The following CNTN5 variants were observed in gnomAD, a reference collection of about 807,000 sequenced individuals.
CNTN5 encodes the protein contactin 5.
A neutral mutation model predicts 129.1 loss-of-function variants in CNTN5; 77 were observed. That is an observed-to-expected ratio of 0.60 (90% CI 0.50 to 0.72). The LOEUF is 0.72. Among genes scored for constraint, CNTN5 ranks in the 30% least tolerant of loss-of-function variants. The probability of loss-of-function intolerance (pLI) is 0.00; values close to 1 mark genes in which losing one functional copy is unlikely to be tolerated. For synonymous variants in CNTN5, 509 were observed against 465.6 expected (o/e 1.09, Z -1.20); for missense variants, 1,478 against 1,328.8 (o/e 1.11, Z -1.75).
chr11:99,871,301 T>G (rs1948497961), intron 6 of CNTN5, among the ~76,000 whole-genome samples: 1 of 152,044 alleles, frequency 6.6e-6, no homozygotes, highest in Non-Finnish European at 1.5e-5. Context: ...AGCTCTACAA[T>G]TTTTTAATGA....
chr11:100,241,123 T>C lies in CNTN5; in HGVS notation c.2006-14637T>C, dbSNP rs1050890464. ...ATTTCATTAGCTCATCTGTTCTTAG[T>C]GTTTATGCAATAGTAGTTTAATAAA... is the stretch of plus-strand genomic sequence containing the variant. On this transcript the variant is annotated intron_variant, in intron 16 of 24. Coordinates refer to ENST00000524871, the MANE Select transcript of CNTN5 (RefSeq NM_014361.4). Among the ~76,000 whole-genome samples, 4 of 152,348 alleles carry C rather than the reference T, an allele frequency of 2.6e-5. No individual in the cohort carries two copies. In the South Asian group the frequency reaches 6.2e-4, roughly 24 times the overall value.
chr11:99,508,519 T>A (rs1315205924), intron 2 of CNTN5, among the ~76,000 whole-genome samples: 1 of 152,114 alleles, frequency 6.6e-6, no homozygotes, highest in Non-Finnish European at 1.5e-5. Flanking sequence ...GACTTGAGCA[T>A]CCACAGCTTT....
At chr11:100,318,931 C>CT (rs995707444) in intron 21 of CNTN5, among the ~76,000 whole-genome samples, 19 of 152,118 alleles carry the variant, frequency 1.2e-4, no homozygotes, top group Admixed American at 1.1e-3. Context: ...AAGGGCAAGG[C>CT]TTTTTTCTTT....
At chr11:99,259,038 TTATGA>T (rs200457233) in intron 1 of CNTN5, among the ~76,000 whole-genome samples, 1,640 of 151,910 alleles carry the variant, frequency 0.011, 34 homozygotes, top group African/African-American at 0.037. Flanking sequence ...TATTTTCGAG[TTATGA>T]TATAACACTT....
At chr11:99,061,451 C>G (rs10892734) in intron 1 of CNTN5, among the ~76,000 whole-genome samples, 70,065 of 151,700 alleles carry the variant, frequency 0.46, 16,505 homozygotes, top group Non-Finnish European at 0.49. Flanking sequence ...GGGGTGTGCC[C>G]TCAACCACCA....
At chr11:100,286,224 C>G (rs1950786042) in intron 18 of CNTN5, among the ~76,000 whole-genome samples, 1 of 152,230 alleles carries the variant, frequency 6.6e-6, no homozygotes, top group African/African-American at 2.4e-5. Flanking sequence ...AACAAAGCAG[C>G]AGGGAAGCTC....
At chr11:99,135,820 C>T (rs189277125) in intron 1 of CNTN5, among the ~76,000 whole-genome samples, 16 of 152,104 alleles carry the variant, frequency 1.1e-4, no homozygotes, top group African/African-American at 3.4e-4. Context: ...GATCTGTGTC[C>T]GTGATTACCA....
intron 23 of CNTN5, among the ~76,000 whole-genome samples, chr11:100,349,494 A>AGTT (rs1326574386): frequency 1.3e-5 from 2 of 151,810 alleles, no homozygotes; most frequent in Non-Finnish European, 2.9e-5. Flanking sequence ...CTCCCCTAAA[A>AGTT]CACTAAAATT....
At chr11:100,245,405 A>T (rs942879953) in intron 16 of CNTN5, among the ~76,000 whole-genome samples, 3 of 152,144 alleles carry the variant, frequency 2.0e-5, no homozygotes, top group African/African-American at 7.2e-5. Flanking sequence ...GATTGCCGTG[A>T]TCTGATTGGC....
At chr11:99,119,018 A>T (rs1375033964) in intron 1 of CNTN5, among the ~76,000 whole-genome samples, 3 of 152,044 alleles carry the variant, frequency 2.0e-5, no homozygotes, top group African/African-American at 7.2e-5. Context: ...ATCAATGGAA[A>T]TTTTTTAAAT....
chr11:99,577,670 A>C (rs889378096), intron 3 of CNTN5, among the ~76,000 whole-genome samples: 1 of 152,198 alleles, frequency 6.6e-6, no homozygotes, highest in African/African-American at 2.4e-5. Flanking sequence ...TGTTTAAAAG[A>C]GTTTGTGGGA....
intron 1 of CNTN5, among the ~76,000 whole-genome samples, chr11:99,149,797 CA>C (rs1859960186): frequency 6.6e-6 from 1 of 151,862 alleles, no homozygotes; most frequent in Non-Finnish European, 1.5e-5. Flanking sequence ...TGATCACACA[CA>C]CAAAAAAATG....
chr11:99,035,144 A>T (rs1278457101), intron 1 of CNTN5, among the ~76,000 whole-genome samples: 1 of 151,260 alleles, frequency 6.6e-6, no homozygotes, highest in Non-Finnish European at 1.5e-5. Flanking sequence ...ATAGTTTGTT[A>T]TAATTTCTGT....
chr11:99,260,709 G>A (rs943520639), intron 1 of CNTN5, among the ~76,000 whole-genome samples: 14 of 151,786 alleles, frequency 9.2e-5, no homozygotes, highest in African/African-American at 1.2e-4. Context: ...ATTATTGGAT[G>A]GTTATCAAGG....
intron 1 of CNTN5, among the ~76,000 whole-genome samples, chr11:99,041,140 T>C (rs1863970365): frequency 1.3e-5 from 2 of 152,106 alleles, no homozygotes; most frequent in Admixed American, 6.5e-5. Flanking sequence ...TTTCATGGAG[T>C]AGGTATTTAC....
chr11:99,506,675 G>A (rs530210011), intron 2 of CNTN5, among the ~76,000 whole-genome samples: 1 of 152,210 alleles, frequency 6.6e-6, no homozygotes, highest in East Asian at 1.9e-4. Context: ...TTTCAATGTA[G>A]TAACGTAAAT....
At chr11:99,710,273 G>C (rs533305321) in intron 3 of CNTN5, among the ~76,000 whole-genome samples, 1 of 151,754 alleles carries the variant, frequency 6.6e-6, no homozygotes, top group Non-Finnish European at 1.5e-5. Flanking sequence ...TGCACTGCAC[G>C]TTCCTCCATA....
intron 16 of CNTN5, among the ~76,000 whole-genome samples, chr11:100,239,153 T>C (rs758534750): frequency 1.1e-4 from 17 of 152,342 alleles, no homozygotes; most frequent in Admixed American, 3.3e-4. Context: ...AAATATTCCA[T>C]TGTGTTGACA....
intron 6 of CNTN5, among the ~76,000 whole-genome samples, chr11:99,888,102 G>A (rs1948946822): frequency 6.6e-6 from 1 of 152,112 alleles, no homozygotes. Context: ...AACTAAAAGA[G>A]GTAATACGTA....
Sources: allele counts gnomAD v4.1 joint callset (sites outside exome capture counted in the v4.1 genomes callset), GRCh38; gene constraint gnomAD v4.1.1; transcripts MANE v1.5; gene names NCBI Gene and HGNC (gene_info 2026-07-23, HGNC 2026-07-21).